Variants in DLEC1 observed in about 807,000 individuals in gnomAD.
DLEC1 encodes the protein deleted in lung and esophageal cancer protein 1.
DLEC1 carries 146 observed loss-of-function variants against 198.1 expected under a neutral mutation model. The observed-to-expected ratio is 0.74, with a 90% CI of 0.64 to 0.85. The LOEUF (loss-of-function observed/expected upper bound fraction) is 0.85, where lower values mean the gene tolerates loss of function less well. Among genes scored for constraint, DLEC1 ranks in the 40% least tolerant of loss-of-function variants. The pLI is 0.00. For missense variants in DLEC1, 2,233 were observed against 2,220.0 expected, an observed-to-expected ratio of 1.01 and a Z score of -0.12; for synonymous variants, 897 against 866.8, an observed-to-expected ratio of 1.03 and a Z score of -0.61.
intron 6 of DLEC1, among the ~76,000 whole-genome samples, chr3:38,076,413 G>T (rs1697622469): frequency 6.6e-6 from 1 of 152,080 alleles, no homozygotes; most frequent in African/African-American, 2.4e-5. Context: ...ATGGGGTGGG[G>T]CTGTTTTATA....
intron 14 of DLEC1, 31 bp downstream of exon 14, chr3:38,095,977 G>A: frequency 6.2e-7 from 1 of 1,612,002 alleles, no homozygotes; most frequent in Non-Finnish European, 8.5e-7. Flanking sequence ...GATGAGAAGT[G>A]GGCAGCTGGG....
At chr3:38,092,975 T>C in intron 11 of DLEC1, 95 bp downstream of exon 11, 1 of 1,178,380 alleles carries the variant, frequency 8.5e-7, no homozygotes, top group Non-Finnish European at 1.3e-6. Flanking sequence ...GCCCACCTGT[T>C]TCCTGTGTGT....
At chr3:38,069,029 C>A (rs747145755) in intron 6 of DLEC1, among the ~76,000 whole-genome samples, 4 of 151,876 alleles carry the variant, frequency 2.6e-5, no homozygotes, top group Non-Finnish European at 4.4e-5. Context: ...ATAATTAATA[C>A]CTAAAACTGA....
chr3:38,063,643 C>T (rs2125616430), intron 5 of DLEC1, among the ~76,000 whole-genome samples, 198 bp from the exon 6 acceptor site: 1 of 152,280 alleles, frequency 6.6e-6, no homozygotes, highest in Middle Eastern at 3.4e-3. Flanking sequence ...TATGTCTTCA[C>T]AAAGATTGGA....
intron 2 of DLEC1, among the ~76,000 whole-genome samples, chr3:38,050,120 G>A (rs968632863): frequency 6.6e-6 from 1 of 151,720 alleles, no homozygotes. Context: ...CCAGGCTGGA[G>A]TGCAGTGGTG....
Position 38,117,075 on chromosome 3 carries a change from T to A in DLEC1, c.4280T>A (p.Leu1427Gln), listed in dbSNP as rs1358058298. 1 of 1,613,966 alleles carries A rather than the reference T, an allele frequency of 6.2e-7. No individual in the cohort carries two copies. The highest frequency in any genetic ancestry group is 2.2e-5 in the East Asian group (1 of 44,894). The change falls in exon 30 of 37, where the codon CTG becomes CAG. Residue 1427 changes from leucine (L) to glutamine (Q), a missense_variant. Coordinates refer to ENST00000308059, the MANE Select transcript of DLEC1 (RefSeq NM_007335.4). Reference protein sequence around the residue: ...LHKVECTGYALGFMSLDSKVE... With the variant: ...LHKVECTGYAQGFMSLDSKVE... ...AAGGTGGAGTGTACTGGCTACGCCC[T>A]GGGTTTCATGAGCTTGGACAGCAAG...
In DLEC1 at chr3:38,100,973, C is replaced by G. The variant is rs903449796; in HGVS notation, c.2864+548C>G. On this transcript the variant is annotated intron_variant, in intron 19 of 36. Transcript: ENST00000308059. ...TTTTCTTCTTCATTCTCCCTCCGCT[C>G]CCCCACTTCCCTCCTTTTCTTTCTT... Among the ~76,000 whole-genome samples the G allele has an allele frequency of 7.2e-5, 11 of 152,252 alleles. No individual in the cohort carries two copies. In the East Asian group the frequency reaches 1.9e-3, roughly 27 times the overall value.
In DLEC1 at chr3:38,095,026, C is replaced by T. The variant is rs758453721; in HGVS notation, c.2067C>T (p.Ser689=). The change falls in exon 13 of 37, where the codon AGC becomes AGT. Residue 689 remains serine (S), a synonymous_variant. Coordinates refer to ENST00000308059, the MANE Select transcript of DLEC1 (RefSeq NM_007335.4). ...FSIMPRKGVL[S]PHTDHEFILS... is the part of the protein sequence containing the mutation. ...TCATGCCCAGAAAGGGGGTTCTAAGCCCCCACACAGACCACGAGTTCATCC... is the reference window on the plus strand; with the variant it reads ...TCATGCCCAGAAAGGGGGTTCTAAGTCCCCACACAGACCACGAGTTCATCC... The T allele has an allele frequency of 3.7e-6, 6 of 1,614,068 alleles. No homozygotes were observed. The highest frequency in any genetic ancestry group is 1.3e-5 in the African/African-American group (1 of 74,932).
intron 6 of DLEC1, among the ~76,000 whole-genome samples, chr3:38,077,542 G>A (rs189379339): frequency 1.2e-4 from 19 of 152,282 alleles, no homozygotes; most frequent in African/African-American, 2.4e-4. Flanking sequence ...ACAGAGGACC[G>A]TAAGGGATAT....
In DLEC1 at chr3:38,108,503, T is replaced by A; in HGVS notation, c.3117T>A (p.Thr1039=). 1.9e-6 allele frequency: 3 copies of A among 1,614,018 alleles called. No homozygotes were observed. Among genetic ancestry groups the A allele is most frequent in the Non-Finnish European group, 2.5e-6 (3 of 1,179,948 alleles). The stretch of plus-strand genomic sequence containing the variant: ...AGTGCCAGCTCAAGTTGGAGTTGAC[T>A]GCTCATACCCAGGTGAGTAAGGCAA... ...SEECQLKLEL[T]AHTQEELTHL... The change falls in exon 21 of 37, where the codon ACT becomes ACA. Residue 1039 remains threonine, a synonymous_variant. Coordinates refer to ENST00000308059, the MANE Select transcript of DLEC1 (RefSeq NM_007335.4).
At chr3:38,069,125 T>C (rs567430286) in intron 6 of DLEC1, among the ~76,000 whole-genome samples, 1 of 151,480 alleles carries the variant, frequency 6.6e-6, no homozygotes, top group South Asian at 2.1e-4. Flanking sequence ...CTTTGGGGAG[T>C]GGGAAATGGC....
At chr3:38,114,536 C>T (rs577882101) in intron 26 of DLEC1, 76 bp downstream of exon 26, 36 of 1,452,462 alleles carry the variant, frequency 2.5e-5, no homozygotes, top group Admixed American at 5.1e-5. Flanking sequence ...GGGCTGCCCA[C>T]GTTGGCTTGT....
chr3:38,053,658 A>C (rs1166187578), intron 2 of DLEC1, among the ~76,000 whole-genome samples: 1 of 150,382 alleles, frequency 6.6e-6, no homozygotes, highest in East Asian at 2.0e-4. Context: ...GGAAGTGAGG[A>C]GCCCCTCTGC....
In DLEC1 at chr3:38,122,790, C is replaced by T. The variant is rs1327237347; in HGVS notation, c.*378C>T. ...GCCTTGCCTTAAGAATTAACCATGG[C>T]CTTGTGGCCTGGGTGACCCAGGCTG... is the stretch of plus-strand genomic sequence containing the variant. On this transcript the variant is annotated 3_prime_UTR_variant, in exon 37 of 37. Transcript: ENST00000308059. The T allele has an allele frequency of 2.7e-6, 3 of 1,099,500 alleles. No individual in the cohort carries two copies. The highest frequency in any genetic ancestry group is 2.7e-5 in the East Asian group (1 of 36,964). The allele number at this position is 1,099,500 out of a possible 1,614,324, so 68.1% of individuals were successfully genotyped here.
chr3:38,116,390 G>C, intron 27 of DLEC1, 63 bp from the exon 28 acceptor site: 1 of 1,571,022 alleles, frequency 6.4e-7, no homozygotes, highest in Non-Finnish European at 8.7e-7. Context: ...TGAGGAGGAG[G>C]GGGCCCCGGG....
rs770031749 is a variant in DLEC1, at chr3:38,100,379, C to A, written c.2818C>A (p.His940Asn). The stretch of plus-strand genomic sequence containing the variant: ...CACCTTGGAGGCCCTGCACTGCCAG[C>A]ATCTGGAGACCGTCCTGGAGCTGGA... ...DITLEALHCQ[H>N]LETVLELEVE... The change falls in exon 19 of 37, where the codon CAT (histidine) becomes AAT (asparagine). Residue 940 changes from histidine (H) to asparagine (N), a missense_variant. Physicochemically the swap from His to Asn is moderately conservative, Grantham distance 68. Coordinates refer to ENST00000308059, the MANE Select transcript of DLEC1 (RefSeq NM_007335.4). The A allele has an allele frequency of 6.2e-7, 1 of 1,613,954 alleles. No individual in the cohort carries two copies. The highest frequency in any genetic ancestry group is 1.1e-5 in the South Asian group (1 of 91,048).
chr3:38,060,278 A>G (rs1696610499), intron 3 of DLEC1, among the ~76,000 whole-genome samples: 2 of 152,186 alleles, frequency 1.3e-5, no homozygotes, highest in South Asian at 4.1e-4. Context: ...GCCTGGGTAG[A>G]GAGGCAGAGA....
chr3:38,074,570 A>G (rs1370859274), intron 6 of DLEC1, among the ~76,000 whole-genome samples: 3 of 152,178 alleles, frequency 2.0e-5, no homozygotes, highest in African/African-American at 7.2e-5. Context: ...AAGCCTTTCA[A>G]CTAGGCAGGA....
rs537862749 is a variant in DLEC1 at position 38,115,822 on chromosome 3, C to T, written c.3857-631C>T. ...TCAGAGGAGGGCAGGGACAGCTTGA[C>T]ATTGTCATGGTGCAGGCTGGAGAGA... is the stretch of plus-strand genomic sequence containing the variant. On this transcript the variant is annotated intron_variant, in intron 27 of 36. Coordinates refer to ENST00000308059, the MANE Select transcript of DLEC1 (RefSeq NM_007335.4). Among the ~76,000 whole-genome samples, 3 of 152,128 alleles carry T rather than the reference C, an allele frequency of 2.0e-5. No homozygotes were observed. In the South Asian group the frequency reaches 6.2e-4, roughly 32 times the overall value.
Sources: allele counts gnomAD v4.1 joint callset (sites outside exome capture counted in the v4.1 genomes callset), GRCh38; gene constraint gnomAD v4.1.1; transcripts MANE v1.5; gene names NCBI Gene and HGNC (gene_info 2026-07-23, HGNC 2026-07-21).